NR3C2: variants seen among roughly 807,000 people sequenced by gnomAD.
The protein encoded by NR3C2 is mineralocorticoid receptor.
NR3C2 carries 15 observed loss-of-function variants against 86.4 expected under a neutral mutation model. That is an observed-to-expected ratio of 0.17 (90% CI 0.12 to 0.27). The LOEUF (loss-of-function observed/expected upper bound fraction) is 0.27, where lower values mean the gene tolerates loss of function less well. Ranked by LOEUF, NR3C2 falls within the 10% of genes least tolerant of loss-of-function variation. NR3C2 has a pLI of 1.00. For synonymous variants in NR3C2, 458 were observed against 450.5 expected (o/e 1.02, Z -0.21); for missense variants, 960 against 1,195.6 (o/e 0.80, Z 2.91).
intron 2 of NR3C2, among the ~76,000 whole-genome samples, chr4:148,326,365 C>A (rs1016981325): frequency 2.6e-5 from 4 of 152,012 alleles, no homozygotes; most frequent in Non-Finnish European, 5.9e-5. Context: ...CATGCCACTG[C>A]ACTCCAGCCT....
Position 148,260,087 on chromosome 4 carries a change from A to C in NR3C2, c.1788T>G (p.Ser596=). The change falls in exon 3 of 9, where the codon TCT becomes TCG. Residue 596 remains serine (S), a synonymous_variant. Coordinates refer to ENST00000358102, the MANE Select transcript of NR3C2 (RefSeq NM_000901.5). Reference sequence around the variant, plus strand: ...CCAAACATATTTTTGAAGGTCTTGAAGATCCAGTAGAAACACTTCGTAAAG... The same window carrying C: ...CCAAACATATTTTTGAAGGTCTTGACGATCCAGTAGAAACACTTCGTAAAG... ...SSTLRSVSTG[S]SRPSKICLVC... The C allele has an allele frequency of 6.2e-7, 1 of 1,614,126 alleles. No individual in the cohort carries two copies. The highest frequency in any genetic ancestry group is 8.5e-7 in the Non-Finnish European group (1 of 1,180,002).
intron 8 of NR3C2, among the ~76,000 whole-genome samples, chr4:148,091,891 G>A (rs1964691): frequency 0.014 from 2,161 of 152,250 alleles, 19 homozygotes; most frequent in Non-Finnish European, 0.022. Flanking sequence ...AATAAGCACC[G>A]TTTCTAGTTG....
chr4:148,136,087 A>AC lies in NR3C2; in HGVS notation c.2511-15800_2511-15799insG, dbSNP rs1248621910. 4.6e-3 allele frequency among the ~76,000 whole-genome samples: 365 copies of AC among 79,204 alleles called. 28 individuals are homozygous for AC. Among genetic ancestry groups the AC allele is most frequent in the African/African-American group, 0.012 (272 of 22,852 alleles). 52.0% of individuals were successfully genotyped at this position (79,204 alleles called of 152,430 possible). A position where few individuals can be genotyped will look rare whatever the true frequency, so the allele number is the denominator to read the frequency against. On this transcript the variant is annotated intron_variant, in intron 6 of 8. Coordinates refer to ENST00000358102, the MANE Select transcript of NR3C2 (RefSeq NM_000901.5). ...AAAAAAAAAAAAAAACAAAAAAAAA[A>AC]AACACCACCAAAACCAACAAAAAAA...
rs1230657445 is a variant in NR3C2, at chr4:148,300,588, A to ATTTTTTTT, written c.1758-40479_1758-40472dup. 8.6e-5 allele frequency among the ~76,000 whole-genome samples: 11 copies of ATTTTTTTT among 127,778 alleles called. No individual in the cohort carries two copies. The South Asian group carries it at 2.0e-3, about 23-fold the overall frequency. 83.8% of individuals were successfully genotyped at this position (127,778 alleles called of 152,430 possible). A position where few individuals can be genotyped will look rare whatever the true frequency, so the allele number is the denominator to read the frequency against. On this transcript the variant is annotated intron_variant, in intron 2 of 8. Coordinates refer to ENST00000358102, the MANE Select transcript of NR3C2 (RefSeq NM_000901.5). ...TTTTCTCCATTTTGCCTTGCTACTC[A>ATTTTTTTT]TTTTTTTTTTTTTTTTTTGACAGAG...
Position 148,259,958 on chromosome 4 carries a change from A to G in NR3C2, c.1897+20T>C. On this transcript the variant is annotated intron_variant, in intron 3 of 8. Coordinates refer to ENST00000358102, the MANE Select transcript of NR3C2 (RefSeq NM_000901.5). ...CACTAGGAAAAAATATGTAAAAGGA[A>G]CACCCACATGAACATTTACCTTCCA... 6.2e-7 allele frequency: 1 copy of G among 1,614,030 alleles called. No individual in the cohort carries two copies. The highest frequency in any genetic ancestry group is 8.5e-7 in the Non-Finnish European group (1 of 1,179,934).
chr4:148,107,605 A>C (rs1731861123), intron 8 of NR3C2, among the ~76,000 whole-genome samples: 1 of 152,258 alleles, frequency 6.6e-6, no homozygotes, highest in Admixed American at 6.5e-5. Flanking sequence ...CCAAATGCCC[A>C]TCATTGATAG....
intron 2 of NR3C2, among the ~76,000 whole-genome samples, chr4:148,421,051 G>A (rs1749257546): frequency 6.6e-6 from 1 of 152,156 alleles, no homozygotes; most frequent in Admixed American, 6.6e-5. Flanking sequence ...CCAGGACTAG[G>A]CTTTGACCAA....
chr4:148,198,981 G>A (rs1265612774), intron 3 of NR3C2, among the ~76,000 whole-genome samples: 1 of 150,682 alleles, frequency 6.6e-6, no homozygotes, highest in East Asian at 2.0e-4. Context: ...TTGGGAGGCT[G>A]AGGCTGAGGC....
chr4:148,338,020 T>G (rs941652819), intron 2 of NR3C2, among the ~76,000 whole-genome samples: 9 of 152,176 alleles, frequency 5.9e-5, no homozygotes, highest in Admixed American at 3.3e-4. Flanking sequence ...CCTAAGTTTT[T>G]CCCTATTTGT....
At chr4:148,403,023 T>C (rs1748246693) in intron 2 of NR3C2, among the ~76,000 whole-genome samples, 1 of 152,032 alleles carries the variant, frequency 6.6e-6, no homozygotes, top group Non-Finnish European at 1.5e-5. Context: ...TATGCATATA[T>C]ATTTGTATGT....
At chr4:148,206,632 T>C (rs2149813121) in intron 3 of NR3C2, among the ~76,000 whole-genome samples, 1 of 152,302 alleles carries the variant, frequency 6.6e-6, no homozygotes, top group African/African-American at 2.4e-5. Context: ...TAGAACTTTG[T>C]ATATGGTTAT....
intron 2 of NR3C2, among the ~76,000 whole-genome samples, chr4:148,388,984 C>T (rs1747406149): frequency 6.6e-6 from 1 of 152,196 alleles, no homozygotes; most frequent in Non-Finnish European, 1.5e-5. Context: ...GAAAGCTTTG[C>T]CTGGCTACCA....
chr4:148,251,022 C>T (rs1739550028), intron 3 of NR3C2, among the ~76,000 whole-genome samples: 1 of 151,928 alleles, frequency 6.6e-6, no homozygotes, highest in Admixed American at 6.6e-5. Flanking sequence ...GTGATCTCAG[C>T]TCACTATAGC....
chr4:148,304,113 C>T (rs1253349280), intron 2 of NR3C2, among the ~76,000 whole-genome samples: 2 of 150,518 alleles, frequency 1.3e-5, no homozygotes, highest in Non-Finnish European at 1.5e-5. Context: ...TACCCCTTTC[C>T]AATGCATCCT....
At chr4:148,418,939 C>T (rs1223802166) in intron 2 of NR3C2, among the ~76,000 whole-genome samples, 1 of 152,152 alleles carries the variant, frequency 6.6e-6, no homozygotes, top group Admixed American at 6.6e-5. Context: ...CTCCCATTTA[C>T]CAAGATTACT....
intron 2 of NR3C2, among the ~76,000 whole-genome samples, chr4:148,322,670 T>A (rs1487440082): frequency 1.8e-5 from 2 of 110,918 alleles, no homozygotes; most frequent in East Asian, 5.4e-4. Context: ...GTTGATCGCA[T>A]CAGCTCCTGA....
chr4:148,148,767 C>T (rs1733980045), intron 6 of NR3C2, among the ~76,000 whole-genome samples: 1 of 152,330 alleles, frequency 6.6e-6, no homozygotes. Flanking sequence ...CCTTTCAATA[C>T]TTATCACAAT....
chr4:148,090,101 T>C (rs1730990557), intron 8 of NR3C2, among the ~76,000 whole-genome samples: 1 of 152,160 alleles, frequency 6.6e-6, no homozygotes, highest in African/African-American at 2.4e-5. Context: ...GCCAGCGTCC[T>C]TTATCTACAA....
intron 2 of NR3C2, among the ~76,000 whole-genome samples, chr4:148,334,276 C>T (rs565845320): frequency 6.6e-6 from 1 of 152,340 alleles, no homozygotes; most frequent in South Asian, 2.1e-4. Flanking sequence ...GGCGCGGTGG[C>T]TCACGCCTAT....
Sources: gnomAD v4.1 joint callset for allele counts (sites outside exome capture counted in the v4.1 genomes callset) on GRCh38, gnomAD v4.1.1 for gene constraint, MANE v1.5 for transcripts, NCBI Gene and HGNC (gene_info 2026-07-23, HGNC 2026-07-21) for gene names.